Variants in ARID1B observed in about 807,000 individuals in gnomAD.
The protein encoded by ARID1B is AT-rich interaction domain 1B.
A neutral mutation model predicts 212.3 loss-of-function variants in ARID1B; 30 were observed. The observed-to-expected ratio is 0.14, with a 90% CI of 0.11 to 0.19. The LOEUF (loss-of-function observed/expected upper bound fraction) is 0.19. ARID1B is among the 10% of genes least tolerant of loss of function. The pLI, the probability that ARID1B is intolerant of heterozygous loss-of-function variation, is 1.00. For synonymous variants in ARID1B, 1,402 were observed against 1,301.7 expected, an observed-to-expected ratio of 1.08 and a Z score of -1.66; for missense variants, 2,891 against 3,204.0, an observed-to-expected ratio of 0.90 and a Z score of 2.36.
At chr6:157,137,127 G>T (rs1272150659) in intron 7 of ARID1B, among the ~76,000 whole-genome samples, 2 of 149,442 alleles carry the variant, frequency 1.3e-5, no homozygotes, top group African/African-American at 5.0e-5. Context: ...GCTGCAGTGA[G>T]CTCTGATCAC....
intron 6 of ARID1B, among the ~76,000 whole-genome samples, chr6:157,113,556 CTT>C (rs755169304): frequency 3.0e-4 from 46 of 152,124 alleles, no homozygotes; most frequent in Non-Finnish European, 4.0e-4. Flanking sequence ...GTGCTACAAA[CTT>C]TTAAACAACC....
At position 157,110,474 on chromosome 6, in the gene ARID1B, A is replaced by G; in HGVS notation, c.2494A>G (p.Ser832Gly). Residue 832 changes from serine to glycine, a missense_variant and splice_region_variant, in exon 6 of 20, where the codon AGT becomes GGT. Transcript: ENST00000636930. The stretch of plus-strand genomic sequence containing the variant: ...ACTTTCCCTCCTGTGTTTTACAGGT[A>G]GTCAGATGCCTCCGCAGCCACCCGG... ...GPISPASIPG[S>G]QMPPQPPGSQ... The G allele has an allele frequency of 6.2e-7, 1 of 1,614,064 alleles. No individual in the cohort carries two copies. The highest frequency in any genetic ancestry group is 8.5e-7 in the Non-Finnish European group (1 of 1,179,982).
At chr6:156,990,682 G>A (rs888993508) in intron 4 of ARID1B, among the ~76,000 whole-genome samples, 2 of 152,044 alleles carry the variant, frequency 1.3e-5, no homozygotes, top group Non-Finnish European at 2.9e-5. Context: ...TGTAGAGACA[G>A]GGTCTCATCT....
chr6:156,892,150 G>A (rs1308772372), intron 2 of ARID1B, among the ~76,000 whole-genome samples: 1 of 149,758 alleles, frequency 6.7e-6, no homozygotes, highest in African/African-American at 2.5e-5. Flanking sequence ...CAGCCACCTC[G>A]GCCTCCCAAA....
At chr6:156,816,766 C>T (rs922967897) in intron 1 of ARID1B, among the ~76,000 whole-genome samples, 4 of 152,164 alleles carry the variant, frequency 2.6e-5, no homozygotes, top group African/African-American at 7.2e-5. Context: ...TGTCCAGGTA[C>T]AGGGCGGGCT....
chr6:157,204,456 A>G (rs150062029), intron 19 of ARID1B: 372 of 156,950 alleles, frequency 2.4e-3, no homozygotes, highest in African/African-American at 8.6e-3. Context: ...TTTATATTCT[A>G]TACATTTATA....
intron 19 of ARID1B, chr6:157,205,935 G>T: frequency 1.8e-6 from 1 of 543,416 alleles, no homozygotes; most frequent in Non-Finnish European, 3.3e-6. Flanking sequence ...AAGCAAGGAA[G>T]CAGCAAATAA....
At chr6:156,928,578 TCA>T (rs1791435268) in intron 3 of ARID1B, among the ~76,000 whole-genome samples, 1 of 152,084 alleles carries the variant, frequency 6.6e-6, no homozygotes. Flanking sequence ...GATTTGGGAA[TCA>T]CCACCAAGCA....
At chr6:156,836,988 T>C (rs1390569331) in intron 2 of ARID1B, among the ~76,000 whole-genome samples, 1 of 152,228 alleles carries the variant, frequency 6.6e-6, no homozygotes, top group Non-Finnish European at 1.5e-5. Flanking sequence ...TAAAGTCTTG[T>C]TATTTCAGCA....
At chr6:156,863,606 C>T (rs979817191) in intron 2 of ARID1B, among the ~76,000 whole-genome samples, 1 of 152,088 alleles carries the variant, frequency 6.6e-6, no homozygotes, top group Non-Finnish European at 1.5e-5. Context: ...ATATCAAACT[C>T]TCCTGTGAAA....
intron 4 of ARID1B, chr6:156,936,151 T>C (rs1792189668): frequency 6.6e-6 from 1 of 152,354 alleles, no homozygotes; most frequent in Non-Finnish European, 1.5e-5. Flanking sequence ...AAGACCAGCC[T>C]GACCAACATG....
Position 157,175,005 on chromosome 6 carries a change from T to C in ARID1B, c.3504T>C (p.Pro1168=). 7.2e-7 allele frequency: 1 copy of C among 1,388,460 alleles called. No individual in the cohort carries two copies. Among genetic ancestry groups the C allele is most frequent in the Non-Finnish European group, 9.4e-7 (1 of 1,063,634 alleles). 86.0% of individuals were successfully genotyped at this position (1,388,460 alleles called of 1,614,324 possible). ...GCTGGCCAAAGACTCCATCAAGCCC[T>C]GTAAGTGGCTCTGGTTTTTTTTTGT... ...SPGWPKTPSS[P]KSSSSTTTGE... The change falls in exon 11 of 20, where the codon CCT becomes CCC. Residue 1168 remains proline, a splice_region_variant and synonymous_variant. Transcript: ENST00000636930.
intron 4 of ARID1B, among the ~76,000 whole-genome samples, chr6:157,035,812 A>G (rs191956429): frequency 2.6e-5 from 4 of 152,268 alleles, no homozygotes; most frequent in Admixed American, 2.0e-4. Context: ...GGAGAAGACA[A>G]TTTGCTTCCT....
intron 2 of ARID1B, among the ~76,000 whole-genome samples, chr6:156,860,241 A>G (rs1785233857): frequency 6.6e-6 from 1 of 152,198 alleles, no homozygotes; most frequent in Non-Finnish European, 1.5e-5. Flanking sequence ...TGATGATATA[A>G]TAGTGCTTTA....
At chr6:157,188,273 C>CT (rs1793119033) in intron 13 of ARID1B, among the ~76,000 whole-genome samples, 1 of 152,082 alleles carries the variant, frequency 6.6e-6, no homozygotes, top group African/African-American at 2.4e-5. Flanking sequence ...GAGAACTTCT[C>CT]TAAGTCATTC....
chr6:157,203,635 G>A lies in ARID1B; in HGVS notation c.5264-231G>A, dbSNP rs540055044. The stretch of plus-strand genomic sequence containing the variant: ...CCACTCCACCTCCAGAAGCACTTTC[G>A]GCCCCTGCGTGACCAACAAAGCGAG... On this transcript the variant is annotated intron_variant, in intron 18 of 19. Coordinates refer to ENST00000636930, the MANE Select transcript of ARID1B (RefSeq NM_001374828.1). This position sits in a 1 kb window ranked among gnomAD's most constrained non-coding sequence, Gnocchi z 4.4. The A allele has an allele frequency of 5.4e-5, 28 of 521,012 alleles. No homozygotes were observed. The highest frequency in any genetic ancestry group is 3.8e-4 in the African/African-American group (20 of 52,916). The allele number at this position is 521,012 out of a possible 1,614,324, so 32.3% of individuals were successfully genotyped here. A position where few individuals can be genotyped will look rare whatever the true frequency, so the allele number is the denominator to read the frequency against.
chr6:156,987,476 G>A (rs554907882), intron 4 of ARID1B, among the ~76,000 whole-genome samples: 45 of 152,108 alleles, frequency 3.0e-4, no homozygotes, highest in Non-Finnish European at 5.7e-4. Flanking sequence ...GACTACAGGC[G>A]CCCGCTACTG....
intron 4 of ARID1B, among the ~76,000 whole-genome samples, chr6:157,009,821 T>C (rs994963133): frequency 2.0e-4 from 31 of 152,100 alleles, no homozygotes; most frequent in African/African-American, 6.3e-4. Flanking sequence ...CACAGAGAGG[T>C]TAAGTAAGTC....
At chr6:156,840,179 C>G (rs1230308772) in intron 2 of ARID1B, among the ~76,000 whole-genome samples, 1 of 152,202 alleles carries the variant, frequency 6.6e-6, no homozygotes, top group African/African-American at 2.4e-5. Flanking sequence ...GCCTTTAAAT[C>G]TTTTTCTTGG....
Sources: gnomAD v4.1 joint callset for allele counts (sites outside exome capture counted in the v4.1 genomes callset) on GRCh38, gnomAD v4.1.1 for gene constraint, Gnocchi (gnomAD v3.1) non-coding constraint, MANE v1.5 for transcripts, NCBI Gene and HGNC (gene_info 2026-07-23, HGNC 2026-07-21) for gene names.